Variants in ALX4 observed in about 807,000 individuals in gnomAD.
ALX4 encodes homeobox protein aristaless-like 4.
ALX4 carries 22 observed loss-of-function variants against 40.6 expected under a neutral mutation model. The ratio of observed to expected loss-of-function variants is 0.54; its 90% CI spans 0.39 to 0.77. The LOEUF is 0.77. Ranked by LOEUF, ALX4 falls within the 30% of genes least tolerant of loss-of-function variation. The pLI is 0.00. For missense variants in ALX4, 556 were observed against 564.8 expected (o/e 0.98, Z 0.16); for synonymous variants, 266 against 240.5 (o/e 1.11, Z -0.98).
At chr11:44,268,006 T>G (rs1956223367) in intron 2 of ALX4, among the ~76,000 whole-genome samples, 1 of 152,324 alleles carries the variant, frequency 6.6e-6, no homozygotes, top group Non-Finnish European at 1.5e-5. Context: ...CCAGATGTGT[T>G]CTCCTAGACA....
chr11:44,298,922 A>G (rs528161445), intron 1 of ALX4, among the ~76,000 whole-genome samples: 1 of 152,322 alleles, frequency 6.6e-6, no homozygotes, highest in Admixed American at 6.5e-5. Flanking sequence ...AGTTCCTAGC[A>G]TGTTCCCCTC....
chr11:44,267,120 C>G (rs1956217645), intron 3 of ALX4, among the ~76,000 whole-genome samples: 1 of 152,162 alleles, frequency 6.6e-6, no homozygotes, highest in Non-Finnish European at 1.5e-5. Context: ...AACTTGGCCA[C>G]GAGTCCTGGA....
chr11:44,268,840 G>A (rs947746905), intron 2 of ALX4, among the ~76,000 whole-genome samples: 5 of 152,176 alleles, frequency 3.3e-5, no homozygotes, highest in Non-Finnish European at 1.5e-5. Context: ...CTTGTCTGCT[G>A]GCTTTGCAGA....
At chr11:44,288,781 C>T (rs779131226) in intron 1 of ALX4, among the ~76,000 whole-genome samples, 3 of 152,188 alleles carry the variant, frequency 2.0e-5, no homozygotes, top group Non-Finnish European at 2.9e-5. Flanking sequence ...TTAAAAAGTA[C>T]TTTAATTTTT....
intron 1 of ALX4, among the ~76,000 whole-genome samples, chr11:44,281,997 T>C (rs1331757933): frequency 6.6e-6 from 1 of 152,124 alleles, no homozygotes; most frequent in Non-Finnish European, 1.5e-5. Context: ...ACCCAAGCCC[T>C]GAAATGCTCT....
chr11:44,279,770 A>C (rs1232423984), intron 1 of ALX4, among the ~76,000 whole-genome samples: 1 of 151,764 alleles, frequency 6.6e-6, no homozygotes, highest in Non-Finnish European at 1.5e-5. Context: ...ATGTTTGCTG[A>C]CTCGTAATCT....
At chr11:44,302,114 G>C (rs1347175951) in intron 1 of ALX4, among the ~76,000 whole-genome samples, 1 of 152,170 alleles carries the variant, frequency 6.6e-6, no homozygotes, top group Non-Finnish European at 1.5e-5. Flanking sequence ...ATTCTCCCTG[G>C]GGGCGCCTCT....
intron 1 of ALX4, among the ~76,000 whole-genome samples, chr11:44,293,898 G>A (rs1956388150): frequency 6.6e-6 from 1 of 152,202 alleles, no homozygotes; most frequent in Admixed American, 6.5e-5. Flanking sequence ...TCTGGAGGGA[G>A]GAGGGAGTGG....
rs746147000 is a variant in ALX4 at position 44,263,987 on chromosome 11, G to A, written c.*867C>T. On this transcript the variant is annotated 3_prime_UTR_variant, in exon 4 of 4. Transcript: ENST00000652299. ...CAGATGCCAGGCAGGCCGGAGAGCG[G>A]GAGGACTGCCCGGGCCCACGCCCCA... 4.1e-4 allele frequency: 62 copies of A among 152,566 alleles called. No individual in the cohort carries two copies. Among genetic ancestry groups the A allele is most frequent in the Non-Finnish European group, 7.2e-4 (49 of 68,328 alleles). 9.5% of individuals were successfully genotyped at this position (152,566 alleles called of 1,614,324 possible). A position where few individuals can be genotyped will look rare whatever the true frequency, so the allele number is the denominator to read the frequency against.
At chr11:44,291,306 G>T (rs1163679965) in intron 1 of ALX4, among the ~76,000 whole-genome samples, 1 of 152,182 alleles carries the variant, frequency 6.6e-6, no homozygotes, top group Non-Finnish European at 1.5e-5. Context: ...GCAGGGGAGG[G>T]GTGTTACGAG....
intron 1 of ALX4, among the ~76,000 whole-genome samples, chr11:44,301,944 G>A (rs192994674): frequency 5.3e-5 from 8 of 152,334 alleles, no homozygotes; most frequent in African/African-American, 1.9e-4. Flanking sequence ...TGGGCTGGAT[G>A]GACCATGTTC....
chr11:44,274,677 G>A (rs1956267575), intron 2 of ALX4, among the ~76,000 whole-genome samples: 1 of 152,158 alleles, frequency 6.6e-6, no homozygotes, highest in Non-Finnish European at 1.5e-5. Flanking sequence ...GTTCCACTGT[G>A]TTGTGTTGTG....
chr11:44,266,334 G>T (rs893505053), intron 3 of ALX4, among the ~76,000 whole-genome samples: 5 of 152,290 alleles, frequency 3.3e-5, no homozygotes, highest in Admixed American at 3.3e-4. Flanking sequence ...GTTCCATCCT[G>T]GGAGGACAGA....
chr11:44,294,995 G>A (rs1028268075), intron 1 of ALX4, among the ~76,000 whole-genome samples: 6 of 151,906 alleles, frequency 3.9e-5, no homozygotes, highest in Admixed American at 2.0e-4. Context: ...GATTACAGGC[G>A]CCCACCACCA....
At chr11:44,270,381 C>A (rs2135309490) in intron 2 of ALX4, among the ~76,000 whole-genome samples, 1 of 151,850 alleles carries the variant, frequency 6.6e-6, no homozygotes, top group African/African-American at 2.4e-5. Context: ...GGGCTGCCCA[C>A]CTCCTCCCTC....
intron 1 of ALX4, among the ~76,000 whole-genome samples, chr11:44,289,389 C>T (rs1195728819): frequency 6.6e-6 from 1 of 152,150 alleles, no homozygotes; most frequent in Non-Finnish European, 1.5e-5. Context: ...TTCGTGTTGC[C>T]CTGACCCACC....
At chr11:44,265,356 C>T (rs879596767) in intron 3 of ALX4, among the ~76,000 whole-genome samples, 173 bp from the exon 4 acceptor site, 11 of 152,134 alleles carry the variant, frequency 7.2e-5, no homozygotes, top group Non-Finnish European at 1.5e-4. Context: ...GGCTTTTACA[C>T]CTTGGCATCT....
chr11:44,279,961 TCTCG>T (rs1185852545), intron 1 of ALX4, among the ~76,000 whole-genome samples: 1 of 152,096 alleles, frequency 6.6e-6, no homozygotes, highest in Non-Finnish European at 1.5e-5. Context: ...ATCACTGAGC[TCTCG>T]CTCTGTCCAG....
In ALX4 at chr11:44,309,811, C is replaced by T. The variant is rs750505389; in HGVS notation, c.252G>A (p.Arg84=). The change falls in exon 1 of 4, where the codon CGG becomes CGA. Residue 84 remains arginine, a synonymous_variant. Transcript: ENST00000652299. ...GGGGCTGGAACTTGTTAAAGGAGCC[C>T]CGCGCCCCAGCTCCACTCTCCAGGG... The part of the protein sequence containing the change: ...ATPLESGAGA[R]GSFNKFQPQP... 1.7e-5 allele frequency: 26 copies of T among 1,551,928 alleles called. No individual in the cohort carries two copies. Among genetic ancestry groups the T allele is most frequent in the Non-Finnish European group, 1.4e-5 (16 of 1,147,666 alleles).
Sources: allele counts gnomAD v4.1 joint callset (sites outside exome capture counted in the v4.1 genomes callset), GRCh38; gene constraint gnomAD v4.1.1; transcripts MANE v1.5; gene names NCBI Gene and HGNC (gene_info 2026-07-23, HGNC 2026-07-21).